Variants in PI4KA observed in about 807,000 individuals in gnomAD.
The protein encoded by PI4KA is phosphatidylinositol 4-kinase alpha.
PI4KA carries 122 observed loss-of-function variants against 271.4 expected under a neutral mutation model. The observed-to-expected ratio is 0.45, with a 90% CI of 0.39 to 0.52. The LOEUF (loss-of-function observed/expected upper bound fraction) is 0.52, where lower values mean the gene tolerates loss of function less well. Among genes scored for constraint, PI4KA ranks in the 20% least tolerant of loss-of-function variants. The pLI, the probability that PI4KA is intolerant of heterozygous loss-of-function variation, is 0.00. For missense variants in PI4KA, 1,969 were observed against 2,769.1 expected (o/e 0.71, Z 6.48); for synonymous variants, 1,041 against 1,078.8 (o/e 0.96, Z 0.69).
rs374996207 is a variant in PI4KA, at chr22:20,810,296, G to A, written c.1071+671C>T. 2.2e-3 allele frequency among the ~76,000 whole-genome samples: 331 copies of A among 152,228 alleles called. 1 individual carries two copies. The highest frequency in any genetic ancestry group is 7.9e-3 in the African/African-American group (329 of 41,546). On this transcript the variant is annotated intron_variant, in intron 9 of 54. Transcript: ENST00000255882. The stretch of plus-strand genomic sequence containing the variant: ...CAGAGGCAGGCAGATCACGAGGTCA[G>A]GAGATTGAGACCATCCTGGCTAACA...
chr22:20,851,106 T>C (rs1926910988), intron 1 of PI4KA, among the ~76,000 whole-genome samples: 1 of 152,008 alleles, frequency 6.6e-6, no homozygotes, highest in African/African-American at 2.4e-5. Context: ...ATGCCTATAA[T>C]CCCAGCACTT....
At chr22:20,795,907 AGGAT>A (rs1250928250) in intron 18 of PI4KA, among the ~76,000 whole-genome samples, 1 of 152,172 alleles carries the variant, frequency 6.6e-6, no homozygotes, top group African/African-American at 2.4e-5. Context: ...TCACCACCCT[AGGAT>A]GGGTCGGGCA....
intron 19 of PI4KA, chr22:20,779,701 A>C: frequency 6.2e-7 from 1 of 1,614,226 alleles, no homozygotes; most frequent in East Asian, 2.2e-5. Context: ...AACATCCTCA[A>C]CGCCAAGTTC....
chr22:20,716,748 G>A (rs1207003006), intron 45 of PI4KA, among the ~76,000 whole-genome samples: 2 of 152,162 alleles, frequency 1.3e-5, no homozygotes, highest in African/African-American at 4.8e-5. Flanking sequence ...CCCAGCAGTT[G>A]TGGCCTTCCC....
At position 20,707,880 on chromosome 22, in the gene PI4KA, C is replaced by T. The variant is rs1058552; in HGVS notation, c.*167G>A. 0.039 allele frequency: 28,966 copies of T among 744,930 alleles called. 695 individuals are homozygous for T. The highest frequency in any genetic ancestry group is 0.05 in the Non-Finnish European group (20,054 of 403,016). The allele number at this position is 744,930 out of a possible 1,614,324, so 46.1% of individuals were successfully genotyped here. A position where few individuals can be genotyped will look rare whatever the true frequency, so the allele number is the denominator to read the frequency against. On this transcript the variant is annotated 3_prime_UTR_variant, in exon 55 of 55. Coordinates refer to ENST00000255882, the MANE Select transcript of PI4KA (RefSeq NM_058004.4). ...ATTGTCGCTGCAGTCCATGGCGTTA[C>T]CAAGGCTGCGCCACCCACGTGCTGC... is the stretch of plus-strand genomic sequence containing the variant.
rs1286104002 is a variant in PI4KA at position 20,710,605 on chromosome 22, A to T, written c.6083+94T>A. 4.3e-6 allele frequency: 5 copies of T among 1,169,380 alleles called. No homozygotes were observed. The Admixed American group carries it at 5.9e-5, about 14-fold the overall frequency. 72.4% of individuals were successfully genotyped at this position (1,169,380 alleles called of 1,614,324 possible). A position where few individuals can be genotyped will look rare whatever the true frequency, so the allele number is the denominator to read the frequency against. On this transcript the variant is annotated intron_variant, in intron 52 of 54. Transcript: ENST00000255882. ...GCAGGTGGCTGCTAGCACCTACCTC[A>T]CTCTCTGGAACCGGATTCCCTTCAT...
chr22:20,774,434 T>C (rs1933080779), intron 19 of PI4KA, among the ~76,000 whole-genome samples: 1 of 152,228 alleles, frequency 6.6e-6, no homozygotes, highest in South Asian at 2.1e-4. Context: ...GAGAATATCC[T>C]TGCTCTTGGG....
At chr22:20,759,889 G>A (rs989603862) in intron 23 of PI4KA, among the ~76,000 whole-genome samples, 1 of 151,844 alleles carries the variant, frequency 6.6e-6, no homozygotes, top group Non-Finnish European at 1.5e-5. Context: ...TAGTAGAGAC[G>A]GGGTTTCACC....
rs529971277 is a variant in PI4KA, at chr22:20,731,790, G to A, written c.4288+1181C>T. Among the ~76,000 whole-genome samples the A allele has an allele frequency of 1.1e-4, 16 of 152,180 alleles. No individual in the cohort carries two copies. In the South Asian group the frequency reaches 1.7e-3, roughly 16 times the overall value. ...TAAAAATACAAAAAATTAGCCAGGT[G>A]TGGTAGCGAGCGCCTGTAGTCCCAG... is the stretch of plus-strand genomic sequence containing the variant. On this transcript the variant is annotated intron_variant, in intron 36 of 54. Transcript: ENST00000255882.
At chr22:20,808,297 A>G (rs1197549861) in intron 9 of PI4KA, among the ~76,000 whole-genome samples, 2 of 149,018 alleles carry the variant, frequency 1.3e-5, no homozygotes, top group African/African-American at 5.0e-5. Flanking sequence ...TCTCAAAAAA[A>G]AAAAAAGGCT....
chr22:20,737,586 C>A (rs151054455), intron 32 of PI4KA, among the ~76,000 whole-genome samples: 4,450 of 152,078 alleles, frequency 0.029, 89 homozygotes, highest in Middle Eastern at 0.062. Context: ...GTCAGGAGCA[C>A]CCCCAGTGCC....
rs529088493 is a variant in PI4KA at position 20,712,711 on chromosome 22, C to G, written c.5658G>C (p.Val1886=). The change falls in exon 49 of 55, where the codon GTG becomes GTC. Residue 1886 remains valine (V), a synonymous_variant. Transcript: ENST00000255882. ...AACTTACCCCAGGGGCAGTGGCCAC[C>G]ACGCGGTAGGGAAAAACAAAGAGGT... is the stretch of plus-strand genomic sequence containing the variant. ...GLDLFVFPYR[V]VATAPGCGVI... 197 of 1,550,510 alleles carry G rather than the reference C, an allele frequency of 1.3e-4. No homozygotes were observed. The African/African-American group carries it at 1.8e-3, about 14-fold the overall frequency.
chr22:20,831,568 AAAACAC>A (rs1387261860), intron 3 of PI4KA, among the ~76,000 whole-genome samples: 3 of 149,646 alleles, frequency 2.0e-5, no homozygotes, highest in Non-Finnish European at 2.9e-5. Flanking sequence ...ACTCTTTCTC[AAAACAC>A]AAACAAAAAC....
intron 19 of PI4KA, among the ~76,000 whole-genome samples, chr22:20,782,872 G>A (rs959788118): frequency 6.6e-6 from 1 of 152,152 alleles, no homozygotes; most frequent in Non-Finnish European, 1.5e-5. Context: ...GAAGGGAATC[G>A]AGCTTCACTC....
chr22:20,753,938 G>A (rs565260920), intron 23 of PI4KA, among the ~76,000 whole-genome samples: 13 of 152,204 alleles, frequency 8.5e-5, no homozygotes, highest in Admixed American at 1.3e-4. Context: ...CGCCCGCCTC[G>A]GCCTCCCAAA....
rs1935542494 is a variant in PI4KA, at chr22:20,804,832, G to C, written c.1360+142C>G. ...ACAGCAGGGGCTAATGCTCCACTCT[G>C]CACGTGCCCAGGAGGCCTACTGCAA... On this transcript the variant is annotated intron_variant, in intron 11 of 54. Coordinates refer to ENST00000255882, the MANE Select transcript of PI4KA (RefSeq NM_058004.4). 32 of 693,568 alleles carry C rather than the reference G, an allele frequency of 4.6e-5. No homozygotes were observed. The South Asian group carries it at 5.4e-4, about 12-fold the overall frequency. 43.0% of individuals were successfully genotyped at this position (693,568 alleles called of 1,614,324 possible). A position where few individuals can be genotyped will look rare whatever the true frequency, so the allele number is the denominator to read the frequency against.
chr22:20,799,305 G>A, intron 15 of PI4KA, 29 bp from the exon 16 acceptor site: 1 of 1,503,242 alleles, frequency 6.7e-7, no homozygotes, highest in Non-Finnish European at 8.9e-7. Context: ...AAGCGCCCTA[G>A]CAACAGTCCC....
intron 19 of PI4KA, among the ~76,000 whole-genome samples, chr22:20,792,821 G>A (rs564950026): frequency 1.3e-5 from 2 of 152,290 alleles, no homozygotes; most frequent in South Asian, 4.1e-4. Context: ...TGCACTTGTG[G>A]GAAGGAGCCA....
At position 20,805,138 on chromosome 22, in the gene PI4KA, A is replaced by G. The variant is rs1165329930; in HGVS notation, c.1196T>C (p.Ile399Thr). ...KDLPTSFVKE[I>T]HDFVLEQFNT... Reference sequence around the variant, plus strand: ...GAACTGCTCCAGCACAAAATCATGGATCTCCTTCACAAAAGAGGTCGGGAG... The same window carrying G: ...GAACTGCTCCAGCACAAAATCATGGGTCTCCTTCACAAAAGAGGTCGGGAG... Residue 399 changes from isoleucine (I) to threonine (T), a missense_variant, in exon 11 of 55, where the codon ATC becomes ACC. By Grantham distance (89) the Ile-to-Thr change is moderately conservative. Around this residue, in one of 13 missense-constraint regions of PI4KA, gnomAD observed 540 missense variants for 555.5 expected, o/e 0.97. Coordinates refer to ENST00000255882, the MANE Select transcript of PI4KA (RefSeq NM_058004.4). The G allele has an allele frequency of 3.1e-6, 5 of 1,613,964 alleles. No individual in the cohort carries two copies. The Admixed American group carries it at 6.7e-5, about 22-fold the overall frequency.
Sources: gnomAD v4.1 joint callset for allele counts (sites outside exome capture counted in the v4.1 genomes callset) on GRCh38, gnomAD v4.1.1 for gene constraint, gnomAD v4.1.1 regional missense constraint, MANE v1.5 for transcripts, NCBI Gene and HGNC (gene_info 2026-07-23, HGNC 2026-07-21) for gene names.